FAM120C: variants seen among roughly 807,000 people sequenced by gnomAD.
FAM120C encodes constitutive coactivator of PPAR-gamma-like protein 2.
In FAM120C, 14 loss-of-function variants were observed where a neutral mutation model predicts 71.2. The ratio of observed to expected loss-of-function variants is 0.20; its 90% CI spans 0.13 to 0.31. FAM120C has a LOEUF of 0.31. Ranked by LOEUF, FAM120C falls within the 10% of genes least tolerant of loss-of-function variation. FAM120C has a pLI of 1.00. For missense variants in FAM120C, 500 were observed against 879.0 expected (o/e 0.57, Z 5.45); for synonymous variants, 354 against 353.2 (o/e 1.00, Z -0.03).
At chrX:54,149,121 C>A (rs781820145) in intron 4 of FAM120C, among the ~76,000 whole-genome samples, 6 of 112,104 alleles carry the variant, frequency 5.4e-5, no homozygotes, top group Admixed American at 3.8e-4. Flanking sequence ...TATGTTCATA[C>A]AAAAACCTGT....
At chrX:54,089,794 T>C (rs782296077) in intron 11 of FAM120C, among the ~76,000 whole-genome samples, 10 of 110,265 alleles carry the variant, frequency 9.1e-5, no homozygotes, top group Middle Eastern at 4.6e-3. Context: ...ACCCCGTCTC[T>C]ACTAAAAATA....
At chrX:54,118,983 C>T (rs375668801) in intron 9 of FAM120C, among the ~76,000 whole-genome samples, 1 of 21,793 alleles carries the variant, frequency 4.6e-5, no homozygotes, top group Non-Finnish European at 7.9e-5. Flanking sequence ...TTTGTTCTTG[C>T]GATAGTTTAC....
rs1557130224 is a variant in FAM120C at position 54,135,047 on chromosome X, G to A, written c.1400C>T (p.Ser467Phe). Residue 467 changes from serine to phenylalanine, a missense_variant, in exon 7 of 16, where the codon TCT becomes TTT. Ser to Phe is a radical substitution (Grantham distance 155, BLOSUM62 -2). Transcript: ENST00000375180. ...PPPFPVGPNS[S>F]LLFSSHALGE... ...CAAAGCATGGGAGGAGAAGAGAAGA[G>A]ATGAGTTGGGTCCCACTGGGAATGG... 2 of 1,210,408 alleles carry A rather than the reference G, an allele frequency of 1.7e-6. No homozygotes were observed. The highest frequency in any genetic ancestry group is 2.2e-6 in the Non-Finnish European group (2 of 894,480).
At chrX:54,113,190 G>A (rs1239860331) in intron 10 of FAM120C, among the ~76,000 whole-genome samples, 11 of 111,535 alleles carry the variant, frequency 9.9e-5, no homozygotes, top group Admixed American at 6.7e-4. Context: ...GGCCGGGGGC[G>A]GTGGCTCACA....
chrX:54,075,045 C>T (rs1232694737), intron 15 of FAM120C, among the ~76,000 whole-genome samples: 3 of 111,553 alleles, frequency 2.7e-5, no homozygotes, highest in Non-Finnish European at 5.6e-5. Context: ...GTAGTCCAAG[C>T]TACCTGGGAG....
intron 15 of FAM120C, 27 bp downstream of exon 15, chrX:54,080,205 C>G (rs782694420): frequency 8.6e-7 from 1 of 1,168,712 alleles, no homozygotes; most frequent in South Asian, 1.8e-5. Flanking sequence ...CAAACAGAAG[C>G]TAAATAATCT....
In FAM120C at chrX:54,073,075, T is replaced by C. The variant is rs782446413; in HGVS notation, c.3249A>G (p.Gln1083=). The C allele has an allele frequency of 2.5e-6, 3 of 1,210,685 alleles. No individual in the cohort carries two copies. The highest frequency in any genetic ancestry group is 3.4e-6 in the Non-Finnish European group (3 of 894,775). The part of the protein sequence containing the change: ...PMNNREKNHL[Q]EQKLETVAQR... Reference sequence around the variant, plus strand: ...GTGCCACAGTTTCTAGCTTTTGCTCTTGTAAGTGGTTCTTCTCCCTATTAT... The same window carrying C: ...GTGCCACAGTTTCTAGCTTTTGCTCCTGTAAGTGGTTCTTCTCCCTATTAT... The change falls in exon 16 of 16, where the codon CAA becomes CAG. Residue 1083 remains glutamine, a synonymous_variant. Transcript: ENST00000375180.
chrX:54,176,498 C>A (rs1352058992), intron 1 of FAM120C, among the ~76,000 whole-genome samples: 1 of 108,050 alleles, frequency 9.3e-6, no homozygotes, highest in Non-Finnish European at 1.9e-5. Flanking sequence ...GAGATTAATA[C>A]CTCTCCTGTT....
chrX:54,088,331 C>T (rs1294724940), intron 11 of FAM120C, among the ~76,000 whole-genome samples: 1 of 111,390 alleles, frequency 9.0e-6, no homozygotes, highest in Non-Finnish European at 1.9e-5. Flanking sequence ...GTGGCTCACG[C>T]CTGTAATCCT....
At chrX:54,143,732 AG>A (rs2067139418) in intron 4 of FAM120C, among the ~76,000 whole-genome samples, 1 of 111,946 alleles carries the variant, frequency 8.9e-6, no homozygotes, top group African/African-American at 3.2e-5. Flanking sequence ...ATTCTACCAG[AG>A]GTATAAGGAG....
At chrX:54,129,579 G>A (rs1476019874) in intron 9 of FAM120C, among the ~76,000 whole-genome samples, 19 of 111,171 alleles carry the variant, frequency 1.7e-4, no homozygotes, top group Non-Finnish European at 2.8e-4. Context: ...CAGACGATGG[G>A]CGGCCAGGCA....
chrX:54,107,344 G>A (rs1243555858), intron 10 of FAM120C, among the ~76,000 whole-genome samples: 1 of 108,669 alleles, frequency 9.2e-6, no homozygotes, highest in Admixed American at 1.0e-4. Context: ...TGATCCACCC[G>A]CCTCAGCCTC....
intron 13 of FAM120C, among the ~76,000 whole-genome samples, chrX:54,082,427 GAGACAGA>G (rs2066771033): frequency 9.2e-6 from 1 of 108,756 alleles, no homozygotes; most frequent in Non-Finnish European, 1.9e-5. Flanking sequence ...TTGTTTTTTT[GAGACAGA>G]GTCTCACTGT....
chrX:54,113,975 A>C (rs2066952990), intron 10 of FAM120C, among the ~76,000 whole-genome samples: 4 of 110,879 alleles, frequency 3.6e-5, no homozygotes, highest in Admixed American at 2.9e-4. Flanking sequence ...TACTATTTGC[A>C]ATAGCAAAGG....
At chrX:54,144,753 T>C (rs1342962471) in intron 4 of FAM120C, among the ~76,000 whole-genome samples, 1 of 112,197 alleles carries the variant, frequency 8.9e-6, no homozygotes, top group Non-Finnish European at 1.9e-5. Flanking sequence ...AGGTAATTTA[T>C]AGATTCAATG....
chrX:54,132,084 C>G (rs923342724), intron 9 of FAM120C, among the ~76,000 whole-genome samples: 1 of 109,267 alleles, frequency 9.2e-6, no homozygotes, highest in Admixed American at 9.9e-5. Flanking sequence ...GAGACAGGGT[C>G]TCACTCTGTC....
At chrX:54,159,761 CTT>C (rs782661576) in intron 1 of FAM120C, 145 bp from the exon 2 acceptor site, 14,034 of 320,903 alleles carry the variant, frequency 0.044, no homozygotes, top group East Asian at 0.061. Context: ...ACATTTTTTA[CTT>C]TTTTTTTTTT....
intron 4 of FAM120C, among the ~76,000 whole-genome samples, chrX:54,144,667 G>A (rs2067145239): frequency 8.9e-6 from 1 of 111,956 alleles, no homozygotes; most frequent in South Asian, 3.7e-4. Flanking sequence ...AATAAAAGAG[G>A]ACACAAACAA....
At chrX:54,181,556 T>TG (rs1243645802) in intron 1 of FAM120C, among the ~76,000 whole-genome samples, 3 of 111,606 alleles carry the variant, frequency 2.7e-5, no homozygotes, top group Non-Finnish European at 5.6e-5. Flanking sequence ...TAACTGCCTA[T>TG]GGGGCCTTGC....
Sources: gnomAD v4.1 joint callset for allele counts (sites outside exome capture counted in the v4.1 genomes callset) on GRCh38, gnomAD v4.1.1 for gene constraint, MANE v1.5 for transcripts, NCBI Gene and HGNC (gene_info 2026-07-23, HGNC 2026-07-21) for gene names.